The following CCDC138 variants were observed in gnomAD, a reference collection of about 807,000 sequenced individuals.
CCDC138 encodes the protein coiled-coil domain-containing protein 138.
A neutral mutation model predicts 82.3 loss-of-function variants in CCDC138; 66 were observed. The ratio of observed to expected loss-of-function variants is 0.80; its 90% CI spans 0.66 to 0.98. CCDC138 has a LOEUF of 0.98. CCDC138 is among the 50% of genes least tolerant of loss of function. The pLI, the probability that CCDC138 is intolerant of heterozygous loss-of-function variation, is 0.00. For missense variants in CCDC138, 816 were observed against 758.9 expected (o/e 1.08, Z -0.88); for synonymous variants, 297 against 265.4 (o/e 1.12, Z -1.16).
chr2:108,831,872 G>A (rs533704614), intron 10 of CCDC138, among the ~76,000 whole-genome samples: 106 of 146,688 alleles, frequency 7.2e-4, no homozygotes, highest in Middle Eastern at 8.0e-3. Flanking sequence ...AGCTGGGATT[G>A]CAGGCACTGG....
At chr2:108,873,705 C>A in intron 14 of CCDC138, 116 bp downstream of exon 14, 1 of 632,334 alleles carries the variant, frequency 1.6e-6, no homozygotes, top group Non-Finnish European at 2.6e-6. Context: ...GAAGAATTGC[C>A]TTGTGCCACA....
intron 12 of CCDC138, among the ~76,000 whole-genome samples, chr2:108,853,794 G>A (rs1176202482): frequency 7.1e-6 from 1 of 141,172 alleles, no homozygotes; most frequent in Admixed American, 7.7e-5. Flanking sequence ...TCAAAGCAGT[G>A]GAGTTACAGG....
chr2:108,788,686 C>T lies in CCDC138; in HGVS notation c.152-166C>T, dbSNP rs1309818304. On this transcript the variant is annotated intron_variant, in intron 2 of 14. Transcript: ENST00000295124. ...AGTGAGCCGAGATTGCGCCACTGCACTCCAGCCTGGGTGACAGAGCGAGAC... is the reference window on the plus strand; with the variant it reads ...AGTGAGCCGAGATTGCGCCACTGCATTCCAGCCTGGGTGACAGAGCGAGAC... 5 of 538,492 alleles carry T rather than the reference C, an allele frequency of 9.3e-6. No homozygotes were observed. In the South Asian group the frequency reaches 2.4e-4, roughly 26 times the overall value. The allele number at this position is 538,492 out of a possible 1,614,324, so 33.4% of individuals were successfully genotyped here. A position where few individuals can be genotyped will look rare whatever the true frequency, so the allele number is the denominator to read the frequency against.
chr2:108,829,317 G>A (rs1341215791), intron 10 of CCDC138, among the ~76,000 whole-genome samples: 1 of 152,108 alleles, frequency 6.6e-6, no homozygotes, highest in African/African-American at 2.4e-5. Context: ...TTTTAAAAAA[G>A]CAAGCAAAGA....
At chr2:108,805,123 A>T in intron 7 of CCDC138, 115 bp downstream of exon 7, 1 of 452,776 alleles carries the variant, frequency 2.2e-6, no homozygotes. Context: ...TTTGGATTAC[A>T]TTTGTTAGCT....
chr2:108,787,954 C>T, intron 1 of CCDC138, 78 bp from the exon 2 acceptor site: 1 of 1,186,480 alleles, frequency 8.4e-7, no homozygotes, highest in Non-Finnish European at 1.2e-6. Flanking sequence ...GTAATTAATA[C>T]ATAATTTGTG....
intron 10 of CCDC138, among the ~76,000 whole-genome samples, chr2:108,830,755 C>A (rs937635340): frequency 6.6e-6 from 1 of 151,948 alleles, no homozygotes; most frequent in African/African-American, 2.4e-5. Context: ...TTGCAGTGAT[C>A]TGAGATCACG....
chr2:108,872,593 A>G (rs1467639553), intron 13 of CCDC138, among the ~76,000 whole-genome samples: 1 of 152,134 alleles, frequency 6.6e-6, no homozygotes, highest in East Asian at 1.9e-4. Flanking sequence ...AGGCTGGGAA[A>G]TCCAGTATCA....
chr2:108,884,605 G>C (rs1696377828), intron 2 of CCDC138: 1 of 152,178 alleles, frequency 6.6e-6, no homozygotes, highest in African/African-American at 2.4e-5. Flanking sequence ...CTGTGACAAA[G>C]CTCCACATAA....
intron 10 of CCDC138, among the ~76,000 whole-genome samples, chr2:108,824,381 G>A (rs190565153): frequency 6.7e-5 from 10 of 150,326 alleles, no homozygotes; most frequent in African/African-American, 1.2e-4. Context: ...TTACTTTCTC[G>A]ACTATTCTGT....
chr2:108,878,279 G>C (rs544410952), downstream of CCDC138: 1 of 163,702 alleles, frequency 6.1e-6, no homozygotes, highest in African/African-American at 2.4e-5. Flanking sequence ...CCATCATCAT[G>C]ATGTGTACAG....
rs142296239 is a variant in CCDC138, at chr2:108,867,737, T to C, written c.1694-5714T>C. Among the ~76,000 whole-genome samples the C allele has an allele frequency of 4.7e-4, 71 of 152,354 alleles. 2 individuals carry two copies. In the East Asian group the frequency reaches 0.013, roughly 28 times the overall value. ...TTTTGTTTGTTTTTAAATATTTCTT[T>C]AGCCTTATCCAGTTTGAGGGATGGG... On this transcript the variant is annotated intron_variant, in intron 13 of 14. Transcript: ENST00000295124.
intron 13 of CCDC138, among the ~76,000 whole-genome samples, chr2:108,863,045 T>G (rs1230888726): frequency 2.6e-5 from 4 of 152,220 alleles, no homozygotes; most frequent in Non-Finnish European, 5.9e-5. Flanking sequence ...CTTCTGAATA[T>G]ATCCATATTG....
At chr2:108,797,436 C>A (rs1032768230) in intron 5 of CCDC138, among the ~76,000 whole-genome samples, 9 of 151,982 alleles carry the variant, frequency 5.9e-5, no homozygotes, top group African/African-American at 2.2e-4. Flanking sequence ...TAAGTCATTT[C>A]AATAGAGGAA....
At chr2:108,857,005 A>G (rs1354377068) in intron 13 of CCDC138, 35 bp downstream of exon 13, 10 of 1,249,632 alleles carry the variant, frequency 8.0e-6, no homozygotes, top group Non-Finnish European at 1.1e-5. Flanking sequence ...TAAAGAAAGC[A>G]GGATGATTTT....
At chr2:108,791,873 C>T (rs1679969055) in intron 4 of CCDC138, 71 bp downstream of exon 4, 5 of 1,413,266 alleles carry the variant, frequency 3.5e-6, no homozygotes, top group East Asian at 2.4e-5. Context: ...AGCTTCCCTC[C>T]TAGTAATAAC....
chr2:108,806,573 C>G (rs1325815993), intron 7 of CCDC138, among the ~76,000 whole-genome samples: 1 of 152,154 alleles, frequency 6.6e-6, no homozygotes, highest in Non-Finnish European at 1.5e-5. Flanking sequence ...CATGTGGTCT[C>G]TCTTTCAGTG....
chr2:108,815,650 A>T (rs1008269181), intron 9 of CCDC138, among the ~76,000 whole-genome samples: 1 of 151,508 alleles, frequency 6.6e-6, no homozygotes, highest in Admixed American at 6.6e-5. Context: ...TTTAGTAAAG[A>T]CAGGTTTTGC....
chr2:108,811,245 CTCTTTT>C (rs1683799504), intron 7 of CCDC138, among the ~76,000 whole-genome samples: 1 of 109,628 alleles, frequency 9.1e-6, no homozygotes, highest in Non-Finnish European at 1.7e-5. Context: ...CTTTCTCTCT[CTCTTTT>C]TTTTTTTTTT....
Sources: gnomAD v4.1 joint callset for allele counts (sites outside exome capture counted in the v4.1 genomes callset) on GRCh38, gnomAD v4.1.1 for gene constraint, MANE v1.5 for transcripts, NCBI Gene and HGNC (gene_info 2026-07-23, HGNC 2026-07-21) for gene names.